ZNF469: variants seen among roughly 807,000 people sequenced by gnomAD.
ZNF469 encodes zinc finger protein 469.
A neutral mutation model predicts 1.0 loss-of-function variants in ZNF469; 1 was observed. That is an observed-to-expected ratio of 1.00 (90% CI 0.35 to 4.73). The LOEUF (loss-of-function observed/expected upper bound fraction) is 4.73, where lower values mean the gene tolerates loss of function less well. ZNF469 is among the 30% of genes most tolerant of loss of function. The pLI, the probability that ZNF469 is intolerant of heterozygous loss-of-function variation, is 0.16. For synonymous variants in ZNF469, 2,703 were observed against 2,363.4 expected, an observed-to-expected ratio of 1.14 and a Z score of -4.17; for missense variants, 6,100 against 5,356.3, an observed-to-expected ratio of 1.14 and a Z score of -4.33.
chr16:88,408,406 C>A (rs1412456789), intron 1 of ZNF469, among the ~76,000 whole-genome samples: 3 of 152,262 alleles, frequency 2.0e-5, no homozygotes, highest in Non-Finnish European at 4.4e-5. Flanking sequence ...CCCACCTTGG[C>A]CTCCCAAAGT....
the ZNF469 span, among the ~76,000 whole-genome samples, chr16:88,224,881 C>T: frequency 1.3e-5 from 2 of 152,190 alleles, no homozygotes; most frequent in African/African-American, 4.8e-5. Context: ...GGGTGTTGAG[C>T]GGCTCAGGAT....
chr16:88,266,101 G>A, the ZNF469 span, among the ~76,000 whole-genome samples: 43 of 152,388 alleles, frequency 2.8e-4, no homozygotes, highest in African/African-American at 9.4e-4. Flanking sequence ...ATGGTGGCCT[G>A]TGCCCTCCGA....
At chr16:88,390,244 C>A (rs1367245920) in intron 1 of ZNF469, among the ~76,000 whole-genome samples, 3 of 152,160 alleles carry the variant, frequency 2.0e-5, no homozygotes, top group Admixed American at 6.5e-5. Flanking sequence ...CCAGCGGGTC[C>A]TGGGATCTGT....
chr16:88,279,612 G>A, the ZNF469 span, among the ~76,000 whole-genome samples: 7 of 63,976 alleles, frequency 1.1e-4, no homozygotes, highest in South Asian at 5.0e-4. Flanking sequence ...ATCAGTGCAC[G>A]GTTAGTGCCG....
At chr16:88,248,747 C>G in the ZNF469 span, among the ~76,000 whole-genome samples, 2 of 152,148 alleles carry the variant, frequency 1.3e-5, no homozygotes, top group African/African-American at 4.8e-5. Flanking sequence ...TTGCAGATGA[C>G]GAGACGGGTA....
chr16:88,230,806 G>A, the ZNF469 span, among the ~76,000 whole-genome samples: 2 of 152,182 alleles, frequency 1.3e-5, no homozygotes, highest in East Asian at 1.9e-4. Context: ...CTGCTGAAGC[G>A]GCTGCTCCCA....
the ZNF469 span, among the ~76,000 whole-genome samples, chr16:88,376,739 CG>C: frequency 6.6e-6 from 1 of 152,202 alleles, no homozygotes; most frequent in East Asian, 1.9e-4. Flanking sequence ...AACTGAGGCT[CG>C]CGGGGTGTCC....
At chr16:88,359,782 T>C in the ZNF469 span, among the ~76,000 whole-genome samples, 2 of 152,222 alleles carry the variant, frequency 1.3e-5, no homozygotes, top group African/African-American at 4.8e-5. Context: ...AAATCAAATA[T>C]CTAGAAAGCT....
chr16:88,139,641 C>A, the ZNF469 span, among the ~76,000 whole-genome samples: 8 of 151,358 alleles, frequency 5.3e-5, no homozygotes, highest in African/African-American at 1.9e-4. Flanking sequence ...ACCTTTTTGT[C>A]CCCTGGCCTG....
the ZNF469 span, among the ~76,000 whole-genome samples, chr16:88,334,044 CTG>C: frequency 2.0e-5 from 3 of 146,590 alleles, no homozygotes; most frequent in Admixed American, 6.8e-5. Flanking sequence ...ATGTGTGTCT[CTG>C]TGTGTCTGTG....
the ZNF469 span, among the ~76,000 whole-genome samples, chr16:88,258,255 T>G: frequency 1.3e-5 from 2 of 152,206 alleles, no homozygotes; most frequent in Admixed American, 6.5e-5. Flanking sequence ...ATGTTCTAAC[T>G]TTGGGGAAAC....
At chr16:88,361,459 C>T in the ZNF469 span, among the ~76,000 whole-genome samples, 893 of 152,320 alleles carry the variant, frequency 5.9e-3, 4 homozygotes, top group Non-Finnish European at 9.6e-3. Context: ...AGAGAAACTT[C>T]GCATTTCCCA....
chr16:88,223,268 T>C, the ZNF469 span, among the ~76,000 whole-genome samples: 2 of 152,246 alleles, frequency 1.3e-5, no homozygotes, highest in Non-Finnish European at 2.9e-5. Context: ...ATAAGTCTCA[T>C]GCGATCTGCG....
the ZNF469 span, among the ~76,000 whole-genome samples, chr16:88,163,120 G>T: frequency 6.8e-6 from 1 of 147,662 alleles, no homozygotes; most frequent in African/African-American, 2.5e-5. Context: ...TGTATGAGTG[G>T]CATAAGTGGA....
At chr16:88,239,501 T>C in the ZNF469 span, among the ~76,000 whole-genome samples, 34 of 149,556 alleles carry the variant, frequency 2.3e-4, no homozygotes, top group Non-Finnish European at 2.1e-4. Flanking sequence ...CTTTTTTTTT[T>C]TTTTTGAGAC....
the ZNF469 span, among the ~76,000 whole-genome samples, chr16:88,368,301 C>T: frequency 6.6e-6 from 1 of 152,226 alleles, no homozygotes; most frequent in Non-Finnish European, 1.5e-5. Flanking sequence ...ACATGTGGGA[C>T]AGGGTACAGG....
chr16:88,322,183 G>A, the ZNF469 span, among the ~76,000 whole-genome samples: 7 of 152,338 alleles, frequency 4.6e-5, no homozygotes, highest in Admixed American at 6.5e-5. Flanking sequence ...CCCAGCCTCC[G>A]ATGGACTCAG....
the ZNF469 span, among the ~76,000 whole-genome samples, chr16:88,109,927 G>C: frequency 6.6e-6 from 1 of 152,236 alleles, no homozygotes; most frequent in Non-Finnish European, 1.5e-5. Flanking sequence ...CCAAATGTTA[G>C]TTGAGTAAAT....
At chr16:88,174,806 A>G in the ZNF469 span, among the ~76,000 whole-genome samples, 9 of 152,220 alleles carry the variant, frequency 5.9e-5, no homozygotes, top group Non-Finnish European at 1.5e-5. Flanking sequence ...TGTATTAATA[A>G]CTATTTCTGT....
Sources: allele counts gnomAD v4.1 joint callset (sites outside exome capture counted in the v4.1 genomes callset), GRCh38; gene constraint gnomAD v4.1.1; transcripts MANE v1.5; gene names NCBI Gene and HGNC (gene_info 2026-07-23, HGNC 2026-07-21).